GSTCD: variants seen among roughly 807,000 people sequenced by gnomAD.
The protein encoded by GSTCD is glutathione S-transferase C-terminal domain-containing protein.
In GSTCD, 44 loss-of-function variants were observed where a neutral mutation model predicts 68.3. That is an observed-to-expected ratio of 0.64 (90% CI 0.51 to 0.83). GSTCD has a LOEUF of 0.83. Among genes scored for constraint, GSTCD ranks in the 40% least tolerant of loss-of-function variants. The pLI is 0.00. For synonymous variants in GSTCD, 273 were observed against 255.2 expected, an observed-to-expected ratio of 1.07 and a Z score of -0.67; for missense variants, 739 against 735.9, an observed-to-expected ratio of 1.00 and a Z score of -0.05.
chr4:105,724,232 C>T (rs936249164), intron 3 of GSTCD, among the ~76,000 whole-genome samples: 1 of 151,560 alleles, frequency 6.6e-6, no homozygotes, highest in African/African-American at 2.4e-5. Context: ...CATTTGTTGC[C>T]TCTCAAAGAA....
intron 5 of GSTCD, among the ~76,000 whole-genome samples, chr4:105,816,655 T>C (rs2149270448): frequency 6.6e-6 from 1 of 152,198 alleles, no homozygotes; most frequent in African/African-American, 2.4e-5. Flanking sequence ...CTCATTTCCC[T>C]GCTAGAAAGC....
intron 5 of GSTCD, among the ~76,000 whole-genome samples, chr4:105,782,920 AT>A (rs1031638849): frequency 3.9e-5 from 6 of 152,212 alleles, no homozygotes; most frequent in African/African-American, 1.4e-4. Flanking sequence ...CATATAATGT[AT>A]TTTTAAAAAT....
At chr4:105,713,462 C>T (rs967992518) in intron 1 of GSTCD, among the ~76,000 whole-genome samples, 1 of 152,144 alleles carries the variant, frequency 6.6e-6, no homozygotes, top group African/African-American at 2.4e-5. Flanking sequence ...AAAATTGCTT[C>T]AATTTATGAA....
intron 1 of GSTCD, among the ~76,000 whole-genome samples, chr4:105,711,446 A>AT (rs1262618494): frequency 5.3e-5 from 8 of 152,254 alleles, no homozygotes; most frequent in African/African-American, 1.9e-4. Context: ...TTCAATCAAT[A>AT]TAAATCCTTT....
intron 5 of GSTCD, among the ~76,000 whole-genome samples, chr4:105,795,343 T>C (rs946630303): frequency 1.9e-4 from 9 of 47,546 alleles, no homozygotes; most frequent in African/African-American, 2.3e-4. Flanking sequence ...GTTCTTCATT[T>C]CTTAATAGTA....
intron 5 of GSTCD, among the ~76,000 whole-genome samples, 187 bp downstream of exon 5, chr4:105,729,686 A>T (rs1328015594): frequency 6.6e-6 from 1 of 151,376 alleles, no homozygotes; most frequent in Admixed American, 6.6e-5. Flanking sequence ...TATTTCTCAC[A>T]TTTTTCTACA....
chr4:105,809,280 G>A (rs573663885), intron 5 of GSTCD, among the ~76,000 whole-genome samples: 7 of 152,124 alleles, frequency 4.6e-5, no homozygotes, highest in African/African-American at 1.7e-4. Flanking sequence ...CAGAAATGTG[G>A]TCTGATTGAT....
At chr4:105,741,793 C>T (rs1345119072) in intron 5 of GSTCD, among the ~76,000 whole-genome samples, 1 of 152,120 alleles carries the variant, frequency 6.6e-6, no homozygotes, top group Non-Finnish European at 1.5e-5. Context: ...GCAACTCTAA[C>T]AGCAGGGCTA....
chr4:105,827,232 G>T (rs1212711012), intron 8 of GSTCD: 1 of 152,174 alleles, frequency 6.6e-6, no homozygotes, highest in Non-Finnish European at 1.5e-5. Flanking sequence ...GCAAGTAAAT[G>T]TGGACTGCTA....
At chr4:105,751,526 G>C (rs1233443624) in intron 5 of GSTCD, among the ~76,000 whole-genome samples, 1 of 152,142 alleles carries the variant, frequency 6.6e-6, no homozygotes, top group East Asian at 1.9e-4. Context: ...TTCACAGGTT[G>C]CTATTCCTAA....
At chr4:105,771,088 A>C (rs1183857862) in intron 5 of GSTCD, among the ~76,000 whole-genome samples, 1 of 152,070 alleles carries the variant, frequency 6.6e-6, no homozygotes, top group Non-Finnish European at 1.5e-5. Context: ...ATGGTATCTC[A>C]TTGTGGTTTT....
intron 5 of GSTCD, among the ~76,000 whole-genome samples, chr4:105,765,464 GTT>G (rs1734568667): frequency 6.6e-6 from 1 of 152,178 alleles, no homozygotes; most frequent in African/African-American, 2.4e-5. Context: ...AGGTGCACCA[GTT>G]TCTTTCAAAT....
intron 5 of GSTCD, among the ~76,000 whole-genome samples, chr4:105,741,822 C>T (rs1733640780): frequency 1.3e-5 from 2 of 152,192 alleles, no homozygotes; most frequent in African/African-American, 4.8e-5. Flanking sequence ...ACTCACATTA[C>T]ATTCACTGTT....
At chr4:105,775,317 G>A (rs1412717012) in intron 5 of GSTCD, among the ~76,000 whole-genome samples, 1 of 151,980 alleles carries the variant, frequency 6.6e-6, no homozygotes, top group Non-Finnish European at 1.5e-5. Context: ...TAGCTTGAAG[G>A]CGTTTGCTAT....
chr4:105,827,857 G>T (rs1183436611), intron 8 of GSTCD, among the ~76,000 whole-genome samples: 4 of 151,674 alleles, frequency 2.6e-5, no homozygotes, highest in Non-Finnish European at 4.4e-5. Context: ...TTTAATGAAA[G>T]AATTTTAAAA....
intron 9 of GSTCD, among the ~76,000 whole-genome samples, chr4:105,836,789 G>A (rs1724140096): frequency 6.6e-6 from 1 of 152,128 alleles, no homozygotes; most frequent in African/African-American, 2.4e-5. Context: ...ACTGACATTT[G>A]TCCTCCCTTG....
rs534078701 is a variant in GSTCD, at chr4:105,803,376, G to T, written c.1241-19578G>T. On this transcript the variant is annotated intron_variant, in intron 5 of 11. Coordinates refer to ENST00000515279, the MANE Select transcript of GSTCD (RefSeq NM_001370181.1). ...TAGCTTAAGAGTCAGAGAGGAGATAGAAAAAGTATAAAAAGCAGACTAAAT... is the reference window on the plus strand; with the variant it reads ...TAGCTTAAGAGTCAGAGAGGAGATATAAAAAGTATAAAAAGCAGACTAAAT... Among the ~76,000 whole-genome samples, 3 of 151,972 alleles carry T rather than the reference G, an allele frequency of 2.0e-5. No homozygotes were observed. The East Asian group carries it at 5.8e-4, about 29-fold the overall frequency.
At chr4:105,821,683 A>G (rs1405272549) in intron 5 of GSTCD, among the ~76,000 whole-genome samples, 2 of 151,928 alleles carry the variant, frequency 1.3e-5, no homozygotes, top group Non-Finnish European at 2.9e-5. Flanking sequence ...TGCAGCCATT[A>G]AAATATATAG....
At position 105,845,592 on chromosome 4, in the gene GSTCD, AT is replaced by A. The variant is rs765150544; in HGVS notation, c.*18del. 6.2e-7 allele frequency: 1 copy of A among 1,613,580 alleles called. No individual in the cohort carries two copies. The highest frequency in any genetic ancestry group is 1.1e-5 in the South Asian group (1 of 91,050). On this transcript the variant is annotated 3_prime_UTR_variant, in exon 12 of 12. Transcript: ENST00000515279. ...TCCCCATTTAAAATGAGATATTCACATTTGATATTTTGCCATCCGTCTTCAC... is the reference window on the plus strand; with the variant it reads ...TCCCCATTTAAAATGAGATATTCACATTGATATTTTGCCATCCGTCTTCAC...
Sources: allele counts gnomAD v4.1 joint callset (sites outside exome capture counted in the v4.1 genomes callset), GRCh38; gene constraint gnomAD v4.1.1; transcripts MANE v1.5; gene names NCBI Gene and HGNC (gene_info 2026-07-23, HGNC 2026-07-21).